Variants in SEC14L1 observed in about 807,000 individuals in gnomAD.
SEC14L1 encodes SEC14 like lipid binding 1.
Under a neutral mutation model 85.3 loss-of-function variants are expected in SEC14L1, and 48 were observed. The ratio of observed to expected loss-of-function variants is 0.56; its 90% confidence interval spans 0.45 to 0.72. SEC14L1 has a LOEUF of 0.72. Ranked by LOEUF, SEC14L1 falls within the 30% of genes least tolerant of loss-of-function variation. SEC14L1 has a pLI of 0.00. For missense variants in SEC14L1, 682 were observed against 921.4 expected, an observed-to-expected ratio of 0.74 and a Z score of 3.36; for synonymous variants, 391 against 355.5, an observed-to-expected ratio of 1.10 and a Z score of -1.12.
At chr17:77,105,383 C>CT (rs943404436) in intron 3 of SEC14L1, among the ~76,000 whole-genome samples, 1 of 115,974 alleles carries the variant, frequency 8.6e-6, no homozygotes, top group African/African-American at 3.2e-5. Flanking sequence ...ACCCCCCCCC[C>CT]CACCCCACGT....
intron 3 of SEC14L1, among the ~76,000 whole-genome samples, chr17:77,104,790 CAAAA>C (rs34654587): frequency 0.015 from 1,716 of 115,804 alleles, 42 homozygotes; most frequent in South Asian, 0.053. Flanking sequence ...GACTCCATTT[CAAAA>C]AAAAAAAAAA....
At position 77,216,560 on chromosome 17, in the gene SEC14L1, G is replaced by A; in HGVS notation, c.*2537G>A. 1 of 1,613,296 alleles carries A rather than the reference G, an allele frequency of 6.2e-7. No homozygotes were observed. Among genetic ancestry groups the A allele is most frequent in the Non-Finnish European group, 8.5e-7 (1 of 1,179,450 alleles). ...TCTCTGTGTCTCAGATGGCGATTTT[G>A]CTGACAGCTGCCAAGAAAATGCTTC... On this transcript the variant is annotated 3_prime_UTR_variant, in exon 17 of 17. Transcript: ENST00000436233.
intron 3 of SEC14L1, among the ~76,000 whole-genome samples, chr17:77,123,144 G>C (rs1972346058): frequency 6.6e-6 from 1 of 151,200 alleles, no homozygotes; most frequent in Non-Finnish European, 1.5e-5. Context: ...CCGCCTCCCT[G>C]CTTCAAGCGA....
At chr17:77,111,535 G>T (rs917051481) in intron 3 of SEC14L1, among the ~76,000 whole-genome samples, 1 of 152,128 alleles carries the variant, frequency 6.6e-6, no homozygotes, top group Non-Finnish European at 1.5e-5. Flanking sequence ...AAGCCACAGG[G>T]ATGGAGCTGC....
At chr17:77,159,952 C>A (rs1022330877) in intron 3 of SEC14L1, among the ~76,000 whole-genome samples, 2 of 152,110 alleles carry the variant, frequency 1.3e-5, no homozygotes, top group East Asian at 3.8e-4. Context: ...ATGACCCTAC[C>A]CCCTGTTAAG....
Position 77,213,409 on chromosome 17 carries a change from C to T in SEC14L1, c.1959C>T (p.Asp653=), listed in dbSNP as rs143199360. ...CCGCCAGCAGCCTTCCCCGGGTGGA[C>T]GACGTGCTTGCGTCCCTGCAGGTCT... The part of the protein sequence containing the change: ...ACAASSLPRV[D]DVLASLQVSS... The change falls in exon 16 of 17, where the codon GAC becomes GAT. Residue 653 remains aspartate (D), a synonymous_variant. Coordinates refer to ENST00000436233, the MANE Select transcript of SEC14L1 (RefSeq NM_001143998.2). This position sits in a 1 kb window ranked among gnomAD's most constrained non-coding sequence, Gnocchi z 7.1. 2.1e-5 allele frequency: 34 copies of T among 1,613,320 alleles called. No individual in the cohort carries two copies. Among genetic ancestry groups the T allele is most frequent in the African/African-American group, 1.6e-4 (12 of 74,934 alleles).
At chr17:77,132,411 C>T (rs62078287) in intron 3 of SEC14L1, among the ~76,000 whole-genome samples, 28,312 of 151,832 alleles carry the variant, frequency 0.19, 2,881 homozygotes, top group Middle Eastern at 0.27. Context: ...TTAGTGGAGA[C>T]GGGGTTTCAC....
rs1415971741 is a variant in SEC14L1 at position 77,216,133 on chromosome 17, G to T, written c.*2110G>T. On this transcript the variant is annotated 3_prime_UTR_variant, in exon 17 of 17. Coordinates refer to ENST00000436233, the MANE Select transcript of SEC14L1 (RefSeq NM_001143998.2). ...TTCGTAGGTAGGGTTAGTAGGTAGG[G>T]CTAGTAGGTAGGGTTCGTAGGTAGG... 154 of 1,009,852 alleles carry T rather than the reference G, an allele frequency of 1.5e-4. 2 individuals carry two copies. In the African/African-American group the frequency reaches 2.8e-3, roughly 18 times the overall value. The allele number at this position is 1,009,852 out of a possible 1,614,324, so 62.6% of individuals were successfully genotyped here.
intron 3 of SEC14L1, among the ~76,000 whole-genome samples, chr17:77,145,761 G>C (rs1163895655): frequency 2.0e-5 from 3 of 152,150 alleles, no homozygotes; most frequent in Non-Finnish European, 4.4e-5. Context: ...CCAGAGCCTG[G>C]TAGTGGAGGG....
chr17:77,139,403 C>T (rs1370946617), upstream of SEC14L1, among the ~76,000 whole-genome samples: 3 of 152,000 alleles, frequency 2.0e-5, no homozygotes, highest in Admixed American at 6.6e-5. Flanking sequence ...AACTCCTGAC[C>T]TCAGGTGATC....
At chr17:77,116,987 CTG>C (rs1420594697) in intron 3 of SEC14L1, among the ~76,000 whole-genome samples, 1 of 152,188 alleles carries the variant, frequency 6.6e-6, no homozygotes, top group Non-Finnish European at 1.5e-5. Flanking sequence ...CTGTAATTGG[CTG>C]TCTCTGGTGT....
At position 77,135,561 on chromosome 17, in the gene SEC14L1, GTCTCTCAGGCTA is replaced by G. The variant is rs1972769797; in HGVS notation, c.-135-7073_-135-7062del. On this transcript the variant is annotated intron_variant, in intron 3 of 19. Coordinates refer to the SEC14L1 transcript ENST00000392476. ...CTTTCTTTCGAGACAGTGTTGCTCT[GTCTCTCAGGCTA>G]TCTCTCAGGCTGGAGTGCAGTGGCA... 3.3e-5 allele frequency among the ~76,000 whole-genome samples: 5 copies of G among 151,488 alleles called. 1 individual carries two copies. Among genetic ancestry groups the G allele is most frequent in the African/African-American group, 1.2e-4 (5 of 41,246 alleles).
intron 3 of SEC14L1, among the ~76,000 whole-genome samples, chr17:77,114,532 C>T (rs1002379801): frequency 1.4e-5 from 2 of 138,970 alleles, no homozygotes; most frequent in Admixed American, 1.5e-4. Context: ...CCAAAACAAA[C>T]AAACAAAAAA....
intron 3 of SEC14L1, among the ~76,000 whole-genome samples, chr17:77,168,082 C>T (rs1157790944): frequency 6.6e-6 from 1 of 152,004 alleles, no homozygotes; most frequent in South Asian, 2.1e-4. Flanking sequence ...TAGGTAAATG[C>T]GTGATTTGTA....
chr17:77,181,870 C>G (rs995446360), intron 3 of SEC14L1, among the ~76,000 whole-genome samples: 1 of 151,648 alleles, frequency 6.6e-6, no homozygotes, highest in African/African-American at 2.4e-5. Context: ...AGAATTAGAA[C>G]TCTGAGGGAC....
chr17:77,088,900 G>C (rs929152161), exon 1 of SEC14L1: 3 of 160,522 alleles, frequency 1.9e-5, no homozygotes, highest in African/African-American at 7.2e-5. Flanking sequence ...CCAGAGACCA[G>C]ACCCCCTCCA....
chr17:77,165,156 A>G (rs1254920879), intron 3 of SEC14L1, among the ~76,000 whole-genome samples: 2 of 152,166 alleles, frequency 1.3e-5, no homozygotes, highest in Non-Finnish European at 2.9e-5. Context: ...CCTTCTGTCA[A>G]CCGAATATAG....
chr17:77,089,608 G>C, intron 2 of SEC14L1: 1 of 437,482 alleles, frequency 2.3e-6, no homozygotes, highest in South Asian at 1.6e-5. Flanking sequence ...TGATACATTG[G>C]CCTGACATCA....
intron 6 of SEC14L1, among the ~76,000 whole-genome samples, chr17:77,194,124 A>G (rs937155733): frequency 6.6e-6 from 1 of 152,268 alleles, no homozygotes; most frequent in African/African-American, 2.4e-5. Context: ...AAATAGTCAT[A>G]TAAAAATTCC....
Sources: gnomAD v4.1 joint callset for allele counts (sites outside exome capture counted in the v4.1 genomes callset) on GRCh38, gnomAD v4.1.1 for gene constraint, Gnocchi (gnomAD v3.1) non-coding constraint, MANE v1.5 for transcripts, NCBI Gene and HGNC (gene_info 2026-07-23, HGNC 2026-07-21) for gene names.